Variants in RFX7 observed in about 807,000 individuals in gnomAD.
The protein encoded by RFX7 is DNA-binding protein RFX7.
Under a neutral mutation model 111.8 loss-of-function variants are expected in RFX7, and 26 were observed. The observed-to-expected ratio is 0.23, with a 90% CI of 0.17 to 0.32. The LOEUF (loss-of-function observed/expected upper bound fraction) is 0.32. Among genes scored for constraint, RFX7 ranks in the 10% least tolerant of loss-of-function variants. The probability of loss-of-function intolerance (pLI) is 1.00; values close to 1 mark genes in which losing one functional copy is unlikely to be tolerated. For synonymous variants in RFX7, 624 were observed against 624.4 expected (o/e 1.00, Z 0.01); for missense variants, 1,573 against 1,772.9 (o/e 0.89, Z 2.02).
chr15:56,131,842 C>T (rs1185619613), intron 5 of RFX7, among the ~76,000 whole-genome samples: 1 of 151,708 alleles, frequency 6.6e-6, no homozygotes, highest in Non-Finnish European at 1.5e-5. Context: ...ACAGGATAAA[C>T]TATCTAGAAA....
At chr15:56,189,503 A>G (rs1462549914) in intron 2 of RFX7, among the ~76,000 whole-genome samples, 1 of 152,200 alleles carries the variant, frequency 6.6e-6, no homozygotes, top group African/African-American at 2.4e-5. Flanking sequence ...ATCTGACAAA[A>G]GACTTATGCC....
intron 5 of RFX7, among the ~76,000 whole-genome samples, chr15:56,119,405 G>A (rs1372316969): frequency 6.6e-6 from 1 of 152,116 alleles, no homozygotes; most frequent in Non-Finnish European, 1.5e-5. Flanking sequence ...TCTACATAAG[G>A]ATATCCAGTT....
At chr15:56,125,024 T>A (rs868029705) in intron 5 of RFX7, among the ~76,000 whole-genome samples, 6 of 152,194 alleles carry the variant, frequency 3.9e-5, no homozygotes, top group Non-Finnish European at 4.4e-5. Flanking sequence ...TTGAGTTAAT[T>A]TTTGTATAGG....
intron 2 of RFX7, among the ~76,000 whole-genome samples, chr15:56,227,992 C>T (rs550494984): frequency 8.1e-4 from 124 of 152,154 alleles, no homozygotes; most frequent in Non-Finnish European, 1.5e-3. Context: ...TCTAGGTTGG[C>T]GGTTTTACTT....
intron 5 of RFX7, among the ~76,000 whole-genome samples, chr15:56,126,859 A>G (rs1438261373): frequency 6.6e-6 from 1 of 152,126 alleles, no homozygotes; most frequent in Non-Finnish European, 1.5e-5. Context: ...AGCAAACAAC[A>G]GAGCTCCAAA....
intron 2 of RFX7, among the ~76,000 whole-genome samples, chr15:56,208,637 G>C (rs2043280024): frequency 6.6e-6 from 1 of 152,148 alleles, no homozygotes; most frequent in Non-Finnish European, 1.5e-5. Flanking sequence ...TTATGATTAA[G>C]ATGCTAAGGG....
chr15:56,124,416 A>G (rs1248939536), intron 5 of RFX7, among the ~76,000 whole-genome samples: 1 of 144,522 alleles, frequency 6.9e-6, no homozygotes, highest in East Asian at 2.3e-4. Context: ...AGCAAGACTC[A>G]GTCTCCGAAA....
intron 2 of RFX7, among the ~76,000 whole-genome samples, chr15:56,203,971 A>G (rs2043223072): frequency 1.3e-5 from 2 of 151,094 alleles, no homozygotes; most frequent in Non-Finnish European, 2.9e-5. Flanking sequence ...ATTTAATCCA[A>G]TAACCCTCTC....
At chr15:56,195,003 A>T (rs1211349005) in intron 2 of RFX7, among the ~76,000 whole-genome samples, 1 of 152,186 alleles carries the variant, frequency 6.6e-6, no homozygotes, top group African/African-American at 2.4e-5. Flanking sequence ...GGAGGAAACA[A>T]CCCAAATGAC....
Position 56,096,136 on chromosome 15 carries a change from C to T in RFX7, c.1592G>A (p.Gly531Glu). 1.2e-6 allele frequency: 2 copies of T among 1,613,720 alleles called. No individual in the cohort carries two copies. The highest frequency in any genetic ancestry group is 1.1e-5 in the South Asian group (1 of 91,044). Residue 531 changes from glycine (G) to glutamate (E), a missense_variant, in exon 10 of 10, where the codon GGA becomes GAA. By Grantham distance (98) the Gly-to-Glu change is moderately conservative. Coordinates refer to ENST00000559447, the MANE Select transcript of RFX7 (RefSeq NM_022841.7). ...CACTTTGACTTCCACAGCAGATGTT[C>T]CCCCCGCACTGCTGCTCCTGGACCC... is the stretch of plus-strand genomic sequence containing the variant. ...SPGSRSSSAG[G>E]TSAVEVKVEP...
At chr15:56,151,923 A>T (rs1254016183) in intron 3 of RFX7, among the ~76,000 whole-genome samples, 1 of 152,218 alleles carries the variant, frequency 6.6e-6, no homozygotes, top group African/African-American at 2.4e-5. Flanking sequence ...TCTCTGATAA[A>T]ACAGACTTTA....
At chr15:56,183,699 G>A (rs2043002168) in intron 2 of RFX7, among the ~76,000 whole-genome samples, 1 of 152,050 alleles carries the variant, frequency 6.6e-6, no homozygotes, top group East Asian at 1.9e-4. Flanking sequence ...TTGGACCTTT[G>A]TTTTTCCAGG....
intron 5 of RFX7, among the ~76,000 whole-genome samples, chr15:56,117,019 TG>T (rs1289552050): frequency 2.6e-5 from 4 of 152,166 alleles, no homozygotes; most frequent in Non-Finnish European, 1.5e-5. Flanking sequence ...AGAGAGGTGC[TG>T]GTAAAGAGAG....
At chr15:56,135,026 T>C (rs1270042758) in intron 5 of RFX7, among the ~76,000 whole-genome samples, 3 of 152,258 alleles carry the variant, frequency 2.0e-5, no homozygotes, top group Non-Finnish European at 4.4e-5. Context: ...GTTGGACATT[T>C]GGGTTGGTTC....
intron 5 of RFX7, among the ~76,000 whole-genome samples, chr15:56,111,661 C>CAAAAAAAAAAAAAAAAAAAACAAAAA (rs371681721): frequency 1.0e-5 from 1 of 95,578 alleles, no homozygotes. Context: ...ATAAATAAAC[C>CAAAAAAAAAAAAAAAAAAAACAAAAA]AAAAAAAAAA....
At chr15:56,197,041 A>G in intron 2 of RFX7, among the ~76,000 whole-genome samples, 1 of 152,090 alleles carries the variant, frequency 6.6e-6, no homozygotes, top group East Asian at 1.9e-4. Flanking sequence ...ATTTCTCTCT[A>G]TCCTCTCCAA....
intron 2 of RFX7, among the ~76,000 whole-genome samples, chr15:56,227,951 T>C (rs1181024362): frequency 1.3e-5 from 2 of 152,230 alleles, no homozygotes; most frequent in East Asian, 3.8e-4. Context: ...TCTCTTTCAC[T>C]TTTGAAGAAT....
chr15:56,204,384 C>T (rs1829543), intron 2 of RFX7, among the ~76,000 whole-genome samples: 87,269 of 151,798 alleles, frequency 0.57, 26,055 homozygotes, highest in East Asian at 0.85. Context: ...AGAGCTATCC[C>T]ATACATCATT....
At chr15:56,162,347 T>C (rs1303386737) in intron 3 of RFX7, among the ~76,000 whole-genome samples, 1 of 152,108 alleles carries the variant, frequency 6.6e-6, no homozygotes, top group Admixed American at 6.5e-5. Flanking sequence ...AAGTTTGAAA[T>C]GACTTAAAGT....
Sources: allele counts gnomAD v4.1 joint callset (sites outside exome capture counted in the v4.1 genomes callset), GRCh38; gene constraint gnomAD v4.1.1; transcripts MANE v1.5; gene names NCBI Gene and HGNC (gene_info 2026-07-23, HGNC 2026-07-21).